PCDHGA6: variants seen among roughly 807,000 people sequenced by gnomAD.
PCDHGA6 encodes protocadherin gamma subfamily A, 6, also known as protocadherin gamma-A6.
In PCDHGA6, 41 loss-of-function variants were observed where a neutral mutation model predicts 60.6. That is an observed-to-expected ratio of 0.68 (90% CI 0.53 to 0.88). The LOEUF is 0.88. Among genes scored for constraint, PCDHGA6 ranks in the 40% least tolerant of loss-of-function variants. The probability of loss-of-function intolerance (pLI) is 0.00; values close to 1 mark genes in which losing one functional copy is unlikely to be tolerated. For synonymous variants in PCDHGA6, 594 were observed against 524.4 expected, an observed-to-expected ratio of 1.13 and a Z score of -1.81; for missense variants, 1,312 against 1,203.0, an observed-to-expected ratio of 1.09 and a Z score of -1.34.
chr5:141,394,127 C>T lies in PCDHGA6; in HGVS notation c.2424+17620C>T, dbSNP rs376102299. 4.0e-5 allele frequency: 64 copies of T among 1,613,960 alleles called. No homozygotes were observed. The African/African-American group carries it at 7.1e-4, about 18-fold the overall frequency. ...CACCTCTGTCCACTGAAACTCAAAT[C>T]GCTCTGCACGTGGCAGACATTAACG... is the stretch of plus-strand genomic sequence containing the variant. On this transcript the variant is annotated intron_variant, in intron 1 of 3. Transcript: ENST00000517434.
chr5:141,506,584 G>A (rs1413313164), intron 3 of PCDHGA6, among the ~76,000 whole-genome samples: 1 of 152,098 alleles, frequency 6.6e-6, no homozygotes, highest in African/African-American at 2.4e-5. Context: ...ACTATTAATG[G>A]GCACAGTATT....
chr5:141,385,979 A>T (rs1561609878), intron 1 of PCDHGA6: 1 of 152,222 alleles, frequency 6.6e-6, no homozygotes, highest in South Asian at 2.1e-4. Flanking sequence ...AAAACCAATA[A>T]AATATGTCAA....
chr5:141,468,159 T>C (rs1408861467), intron 1 of PCDHGA6, among the ~76,000 whole-genome samples: 2 of 151,760 alleles, frequency 1.3e-5, no homozygotes, highest in Admixed American at 6.6e-5. Context: ...ACCCTGTCTC[T>C]GCTAAAAATA....
chr5:141,511,353 A>C lies in PCDHGA6; in HGVS notation c.*180A>C. ...AGTCAGCACCTACCCCTTCCCCCCC[A>C]GGGGGTTGAATATGCAAAAGCAGTT... On this transcript the variant is annotated 3_prime_UTR_variant, in exon 4 of 4. Transcript: ENST00000517434. 7.3e-7 allele frequency: 1 copy of C among 1,371,054 alleles called. No individual in the cohort carries two copies. Among genetic ancestry groups the C allele is most frequent in the Non-Finnish European group, 9.7e-7 (1 of 1,027,740 alleles). The allele number at this position is 1,371,054 out of a possible 1,614,324, so 84.9% of individuals were successfully genotyped here. A position where few individuals can be genotyped will look rare whatever the true frequency, so the allele number is the denominator to read the frequency against.
At chr5:141,389,180 CA>C (rs2091638521) in intron 1 of PCDHGA6, 6 of 1,614,034 alleles carry the variant, frequency 3.7e-6, no homozygotes, top group Non-Finnish European at 5.1e-6. Context: ...CCCTCTCCTC[CA>C]GTTCCAGCAT....
intron 1 of PCDHGA6, chr5:141,377,299 G>A (rs1270863261): frequency 6.6e-6 from 1 of 152,100 alleles, no homozygotes; most frequent in African/African-American, 2.4e-5. Flanking sequence ...ATTTAGGTCA[G>A]TGTTAAAGAT....
rs752402965 is a variant in PCDHGA6, at chr5:141,491,400, C to G, written c.2425-3407C>G. The G allele has an allele frequency of 2.7e-5, 44 of 1,613,990 alleles. No individual in the cohort carries two copies. The highest frequency in any genetic ancestry group is 3.5e-5 in the Non-Finnish European group (41 of 1,179,996). On this transcript the variant is annotated intron_variant, in intron 1 of 3. Coordinates refer to ENST00000517434, the MANE Select transcript of PCDHGA6 (RefSeq NM_018919.3). The surrounding 1 kb of genome is among the most constrained non-coding windows in gnomAD (Gnocchi z 6.9). ...TGTCAGCGAAGTGCCTTCAGGGAAA[C>G]GCAGACGGGGACGGGGGTGGAGGGC... is the stretch of plus-strand genomic sequence containing the variant.
intron 1 of PCDHGA6, among the ~76,000 whole-genome samples, chr5:141,492,920 G>A (rs2099745093): frequency 6.6e-6 from 1 of 152,198 alleles, no homozygotes; most frequent in African/African-American, 2.4e-5. Context: ...TGTGCCCAGC[G>A]ATCTAGGGTC....
At chr5:141,408,687 T>C (rs1394182828) in intron 1 of PCDHGA6, 3 of 1,613,928 alleles carry the variant, frequency 1.9e-6, no homozygotes, top group East Asian at 2.2e-5. Flanking sequence ...GATCCTGATA[T>C]AAACATAAAC....
At chr5:141,469,951 T>G (rs1467717372) in intron 1 of PCDHGA6, among the ~76,000 whole-genome samples, 2 of 152,034 alleles carry the variant, frequency 1.3e-5, no homozygotes, top group African/African-American at 4.8e-5. Context: ...GCCAGCATGG[T>G]GAAACCCCAT....
intron 1 of PCDHGA6, chr5:141,428,210 A>T: frequency 7.7e-7 from 1 of 1,293,350 alleles, no homozygotes; most frequent in Non-Finnish European, 1.1e-6. Flanking sequence ...GCTACGCTTC[A>T]CCTAGTCTTC....
Position 141,376,111 on chromosome 5 carries a change from C to A in PCDHGA6, c.2028C>A (p.Gly676=). ...TCCCCGACATCCTGGCCGACCTGGG[C>A]AGCCTCGAGCCCTCCGCCAAACCCA... ...DRIPDILADL[G]SLEPSAKPND... The change falls in exon 1 of 4, where the codon GGC becomes GGA. Residue 676 remains glycine, a synonymous_variant. Transcript: ENST00000517434. 6.2e-7 allele frequency: 1 copy of A among 1,613,822 alleles called. No individual in the cohort carries two copies. The highest frequency in any genetic ancestry group is 8.5e-7 in the Non-Finnish European group (1 of 1,179,952).
chr5:141,431,071 A>G lies in PCDHGA6; in HGVS notation c.2424+54564A>G. The G allele has an allele frequency of 6.2e-7, 1 of 1,614,244 alleles. No homozygotes were observed. On this transcript the variant is annotated intron_variant, in intron 1 of 3. Coordinates refer to ENST00000517434, the MANE Select transcript of PCDHGA6 (RefSeq NM_018919.3). The surrounding 1 kb of genome is among the most constrained non-coding windows in gnomAD (Gnocchi z 4.8). ...GTATGGGGGCCATCAAGTGTCAATTAAATCTAGACATTCTGATGGAGGATA... is the reference window on the plus strand; with the variant it reads ...GTATGGGGGCCATCAAGTGTCAATTGAATCTAGACATTCTGATGGAGGATA...
chr5:141,423,760 G>T, intron 1 of PCDHGA6: 23 of 279,644 alleles, frequency 8.2e-5, no homozygotes, highest in South Asian at 2.0e-4. Flanking sequence ...TGGGGGGGGG[G>T]TGGGGCGGCA....
intron 2 of PCDHGA6, among the ~76,000 whole-genome samples, chr5:141,504,141 T>C (rs1289360763): frequency 6.6e-6 from 1 of 152,192 alleles, no homozygotes; most frequent in East Asian, 1.9e-4. Flanking sequence ...AACACTCCCC[T>C]GCAAATTGAA....
chr5:141,384,071 C>T, intron 1 of PCDHGA6: 1 of 1,603,192 alleles, frequency 6.2e-7, no homozygotes, highest in Non-Finnish European at 8.5e-7. Context: ...GAAAACCTAC[C>T]TTTTAAATTA....
chr5:141,508,714 G>A (rs775462794), intron 3 of PCDHGA6, among the ~76,000 whole-genome samples: 16 of 151,880 alleles, frequency 1.1e-4, no homozygotes, highest in Admixed American at 2.0e-4. Context: ...ATTCTTTTCT[G>A]TGTGCAGGGA....
At chr5:141,400,684 G>GT (rs1422516327) in intron 1 of PCDHGA6, 1 of 834,872 alleles carries the variant, frequency 1.2e-6, no homozygotes, top group African/African-American at 1.7e-5. Flanking sequence ...TAAATTGTGA[G>GT]TTTTTATGTC....
intron 2 of PCDHGA6, 47 bp from the exon 3 acceptor site, chr5:141,505,346 C>G: frequency 4.3e-6 from 7 of 1,612,970 alleles, no homozygotes; most frequent in Non-Finnish European, 5.9e-6. Context: ...GGGGCATGAG[C>G]TGTGCCGGCC....
Sources: allele counts gnomAD v4.1 joint callset (sites outside exome capture counted in the v4.1 genomes callset), GRCh38; gene constraint gnomAD v4.1.1; non-coding constraint Gnocchi (gnomAD v3.1); transcripts MANE v1.5; gene names NCBI Gene and HGNC (gene_info 2026-07-23, HGNC 2026-07-21).